Variants in IL12RB2 observed in about 807,000 individuals in gnomAD.
The protein encoded by IL12RB2 is interleukin-12 receptor subunit beta-2.
IL12RB2 carries 82 observed loss-of-function variants against 89.4 expected under a neutral mutation model. That is an observed-to-expected ratio of 0.92 (90% CI 0.77 to 1.10). IL12RB2 has a LOEUF of 1.10. IL12RB2 is among the 50% of genes least tolerant of loss of function. The pLI, the probability that IL12RB2 is intolerant of heterozygous loss-of-function variation, is 0.00. For missense variants in IL12RB2, 963 were observed against 1,031.9 expected (o/e 0.93, Z 0.92); for synonymous variants, 368 against 370.1 (o/e 0.99, Z 0.07).
chr1:67,362,142 G>T lies in IL12RB2; in HGVS notation c.1259-5683G>T, dbSNP rs190713903. Among the ~76,000 whole-genome samples the T allele has an allele frequency of 3.6e-3, 546 of 152,180 alleles. 2 individuals carry two copies. The highest frequency in any genetic ancestry group is 0.013 in the African/African-American group (523 of 41,492). On this transcript the variant is annotated intron_variant, in intron 10 of 16. Transcript: ENST00000674203. ...AAAAATTAGCTGGCCATGGTGGCAT[G>T]TGCCTATAATCCCAGCTACTCGGGA...
chr1:67,330,831 T>A, intron 8 of IL12RB2, 21 bp downstream of exon 8: 2 of 1,384,492 alleles, frequency 1.4e-6, no homozygotes, highest in Non-Finnish European at 2.1e-6. Context: ...AAAATATACA[T>A]ACCTATCGGG....
At chr1:67,368,133 A>G in intron 11 of IL12RB2, 108 bp downstream of exon 11, 1 of 748,858 alleles carries the variant, frequency 1.3e-6, no homozygotes, top group Admixed American at 2.0e-5. Context: ...TGGCTACATG[A>G]TGAGAGAGAC....
At chr1:67,315,953 T>C (rs925099097) in intron 2 of IL12RB2, among the ~76,000 whole-genome samples, 1 of 88,876 alleles carries the variant, frequency 1.1e-5, no homozygotes, top group Admixed American at 1.2e-4. Flanking sequence ...AAGAGTATAT[T>C]TTAACACCTT....
Position 67,356,796 on chromosome 1 carries a change from C to A in IL12RB2, c.1258+5707C>A, listed in dbSNP as rs114341140. The stretch of plus-strand genomic sequence containing the variant: ...CCAATCAAAGAAAATAAAACATGAT[C>A]CCAAAAGAAAACATCAAGACAAATG... On this transcript the variant is annotated intron_variant, in intron 10 of 16. Transcript: ENST00000674203. Among the ~76,000 whole-genome samples the A allele has an allele frequency of 4.0e-3, 605 of 152,214 alleles. 6 individuals are homozygous for A. The highest frequency in any genetic ancestry group is 0.014 in the African/African-American group (585 of 41,518).
At chr1:67,380,190 A>C (rs1664428401) in intron 14 of IL12RB2, 67 bp downstream of exon 14, 1 of 1,505,550 alleles carries the variant, frequency 6.6e-7, no homozygotes, top group Admixed American at 1.7e-5. Flanking sequence ...CTCCTATTAC[A>C]TTTGGTATAG....
At chr1:67,309,984 G>A (rs1466964365) in intron 1 of IL12RB2, among the ~76,000 whole-genome samples, 2 of 151,950 alleles carry the variant, frequency 1.3e-5, no homozygotes, top group Non-Finnish European at 2.9e-5. Flanking sequence ...AGACTAGCCT[G>A]ACCAACATGG....
chr1:67,355,422 GAAA>G (rs1171395256), intron 10 of IL12RB2, among the ~76,000 whole-genome samples: 1 of 93,710 alleles, frequency 1.1e-5, no homozygotes, highest in Admixed American at 1.3e-4. Flanking sequence ...GTCTCAAAAA[GAAA>G]AAAAAAAAAA....
rs540406011 is a variant in IL12RB2, at chr1:67,396,196, G to A, written c.*107G>A. On this transcript the variant is annotated 3_prime_UTR_variant, in exon 17 of 17. Transcript: ENST00000674203. ...GCTGTCATCTCTGGGTGCCACCATC[G>A]GTCTGGCTGCAGCTAGAGGACAGGC... The A allele has an allele frequency of 1.0e-4, 84 of 806,672 alleles. No individual in the cohort carries two copies. Among genetic ancestry groups the A allele is most frequent in the South Asian group, 5.9e-4 (44 of 74,600 alleles). The allele number at this position is 806,672 out of a possible 1,614,324, so 50.0% of individuals were successfully genotyped here.
intron 9 of IL12RB2, among the ~76,000 whole-genome samples, chr1:67,340,519 G>A (rs1659408415): frequency 6.6e-6 from 1 of 152,192 alleles, no homozygotes; most frequent in Admixed American, 6.5e-5. Context: ...GTAGAATGAG[G>A]GTAATGATAC....
rs765067110 is a variant in IL12RB2, at chr1:67,330,695, G to T, written c.843G>T (p.Leu281Phe). 8.3e-6 allele frequency: 13 copies of T among 1,558,898 alleles called. No homozygotes were observed. The highest frequency in any genetic ancestry group is 1.2e-5 in the Non-Finnish European group (13 of 1,130,194). The change falls in exon 8 of 17, where the codon TTG (leucine) becomes TTT (phenylalanine). Residue 281 changes from leucine (L) to phenylalanine (F), a missense_variant. By Grantham distance (22) the Leu-to-Phe change is conservative (BLOSUM62 0). Coordinates refer to ENST00000674203, the MANE Select transcript of IL12RB2 (RefSeq NM_001374259.2). ...NVTKAKGRHDLLDLKPFTEYE... is the reference protein window; with the variant it reads ...NVTKAKGRHDFLDLKPFTEYE... Reference sequence around the variant, plus strand: ...CAAAGGCCAAAGGAAGACATGATTTGCTGGATCTGAAACCATTTACAGAAT... The same window carrying T: ...CAAAGGCCAAAGGAAGACATGATTTTCTGGATCTGAAACCATTTACAGAAT...
chr1:67,363,216 T>A (rs1230476953), intron 10 of IL12RB2, among the ~76,000 whole-genome samples: 8 of 144,688 alleles, frequency 5.5e-5, no homozygotes, highest in South Asian at 2.2e-4. Flanking sequence ...TTCTTATTTT[T>A]TTTTTTTTTT....
At chr1:67,368,210 T>A (rs1424079443) in intron 11 of IL12RB2, among the ~76,000 whole-genome samples, 185 bp downstream of exon 11, 1 of 152,198 alleles carries the variant, frequency 6.6e-6, no homozygotes, top group African/African-American at 2.4e-5. Flanking sequence ...GACCAACTGG[T>A]TGACTAAAAG....
At position 67,352,895 on chromosome 1, in the gene IL12RB2, G is replaced by A. The variant is rs80291186; in HGVS notation, c.1258+1806G>A. On this transcript the variant is annotated intron_variant, in intron 10 of 16. Transcript: ENST00000674203. ...GTGTGGGGAAGATACTCTTGTACAC[G>A]CTAGTGAGTGTGTAAATTGGTACAA... 8.5e-3 allele frequency among the ~76,000 whole-genome samples: 1,295 copies of A among 152,252 alleles called. 18 individuals carry two copies. Among genetic ancestry groups the A allele is most frequent in the African/African-American group, 0.03 (1,228 of 41,530 alleles).
chr1:67,309,468 C>T (rs1286987551), intron 1 of IL12RB2, among the ~76,000 whole-genome samples: 4 of 152,160 alleles, frequency 2.6e-5, no homozygotes, highest in African/African-American at 9.7e-5. Flanking sequence ...CAACACATAA[C>T]TAAAAGGACC....
intron 9 of IL12RB2, among the ~76,000 whole-genome samples, chr1:67,343,940 C>T (rs539815057): frequency 6.6e-6 from 1 of 152,342 alleles, no homozygotes; most frequent in South Asian, 2.1e-4. Flanking sequence ...AGACACTGTA[C>T]TGCATAGCTG....
At chr1:67,355,114 T>TA (rs992772090) in intron 10 of IL12RB2, among the ~76,000 whole-genome samples, 24 of 151,258 alleles carry the variant, frequency 1.6e-4, no homozygotes, top group African/African-American at 5.6e-4. Context: ...AGACATTATC[T>TA]AAAAAAAAGA....
chr1:67,376,135 C>T (rs867067655), intron 13 of IL12RB2, among the ~76,000 whole-genome samples: 4 of 151,904 alleles, frequency 2.6e-5, no homozygotes, highest in Non-Finnish European at 4.4e-5. Flanking sequence ...CGTGAGCCAC[C>T]GCGCCTGGCT....
At position 67,396,148 on chromosome 1, in the gene IL12RB2, T is replaced by G; in HGVS notation, c.*59T>G. 11 of 978,182 alleles carry G rather than the reference T, an allele frequency of 1.1e-5. No homozygotes were observed. Among genetic ancestry groups the G allele is most frequent in the Non-Finnish European group, 1.5e-5 (9 of 608,194 alleles). 60.6% of individuals were successfully genotyped at this position (978,182 alleles called of 1,614,324 possible). ...CCTCAACCAGCACAGCCTGCCCCAATTCCCCCAGCCCCTGCTCCAGCAGCT... is the reference window on the plus strand; with the variant it reads ...CCTCAACCAGCACAGCCTGCCCCAAGTCCCCCAGCCCCTGCTCCAGCAGCT... On this transcript the variant is annotated 3_prime_UTR_variant, in exon 17 of 17. Transcript: ENST00000674203.
intron 13 of IL12RB2, among the ~76,000 whole-genome samples, chr1:67,377,750 T>C (rs1476137299): frequency 1.4e-5 from 2 of 141,638 alleles, no homozygotes; most frequent in Admixed American, 1.6e-4. Flanking sequence ...ATTGAGGTCC[T>C]CAGCACAGGT....
Sources: allele counts gnomAD v4.1 joint callset (sites outside exome capture counted in the v4.1 genomes callset), GRCh38; gene constraint gnomAD v4.1.1; transcripts MANE v1.5; gene names NCBI Gene and HGNC (gene_info 2026-07-23, HGNC 2026-07-21).